Variants in BFSP1 observed in about 807,000 individuals in gnomAD.
The protein encoded by BFSP1 is beaded filament structural protein 1.
Under a neutral mutation model 43.9 loss-of-function variants are expected in BFSP1, and 38 were observed. The ratio of observed to expected loss-of-function variants is 0.87; its 90% CI spans 0.67 to 1.14. The LOEUF is 1.14. Among genes scored for constraint, BFSP1 ranks in the 50% most tolerant of loss-of-function variants. The pLI is 0.00. For missense variants in BFSP1, 850 were observed against 875.1 expected, an observed-to-expected ratio of 0.97 and a Z score of 0.36; for synonymous variants, 352 against 354.8, an observed-to-expected ratio of 0.99 and a Z score of 0.09.
At chr20:17,534,094 C>G (rs1183642500), upstream of BFSP1, among the ~76,000 whole-genome samples, 2 of 152,186 alleles carry the variant, frequency 1.3e-5, no homozygotes, top group Non-Finnish European at 2.9e-5. Context: ...AAGACCATAT[C>G]ACTGATAGGA....
At chr20:17,553,758 C>T (rs1415948376) in intron 1 of BFSP1, among the ~76,000 whole-genome samples, 1 of 142,494 alleles carries the variant, frequency 7.0e-6, no homozygotes, top group Non-Finnish European at 1.5e-5. Context: ...TTGAAAAGAC[C>T]TGTTAAAAAT....
In BFSP1 at chr20:17,518,916, TCA is replaced by T. The variant is rs755603943; in HGVS notation, c.439-4102_439-4101del. Among the ~76,000 whole-genome samples the T allele has an allele frequency of 1.6e-3, 251 of 152,140 alleles. 3 individuals carry two copies. Among genetic ancestry groups the T allele is most frequent in the Non-Finnish European group, 2.5e-3 (169 of 67,988 alleles). On this transcript the variant is annotated intron_variant, in intron 2 of 7. Coordinates refer to ENST00000377873, the MANE Select transcript of BFSP1 (RefSeq NM_001195.5). ...CTGGACCACACGATGTGAAGGAAAA[TCA>T]CAGTGTTCCCGGACGCATCCCACTC...
intron 1 of BFSP1, among the ~76,000 whole-genome samples, chr20:17,553,582 T>A (rs1336683141): frequency 6.6e-6 from 1 of 151,684 alleles, no homozygotes; most frequent in East Asian, 1.9e-4. Flanking sequence ...TAAACAAATA[T>A]ACAGTGTGTC....
chr20:17,567,396 G>A (rs1182858112), intron 1 of BFSP1, among the ~76,000 whole-genome samples: 1 of 152,140 alleles, frequency 6.6e-6, no homozygotes, highest in Non-Finnish European at 1.5e-5. Flanking sequence ...GGTAGTAATG[G>A]AAAATGCACA....
chr20:17,545,824 T>C (rs2034791141), intron 1 of BFSP1, among the ~76,000 whole-genome samples: 1 of 152,232 alleles, frequency 6.6e-6, no homozygotes, highest in Non-Finnish European at 1.5e-5. Context: ...ATAATACATT[T>C]TGTCATGCTG....
At chr20:17,548,109 C>T (rs2034835847) in intron 1 of BFSP1, among the ~76,000 whole-genome samples, 1 of 145,550 alleles carries the variant, frequency 6.9e-6, no homozygotes, top group African/African-American at 2.6e-5. Context: ...CATAATCTAT[C>T]CAGAGAATGT....
intron 1 of BFSP1, among the ~76,000 whole-genome samples, chr20:17,552,855 T>C (rs1346933405): frequency 1.3e-5 from 2 of 152,318 alleles, no homozygotes; most frequent in East Asian, 1.9e-4. Context: ...TTGAGATGTC[T>C]ATGAAACATC....
upstream of BFSP1, among the ~76,000 whole-genome samples, chr20:17,533,287 CCATG>C (rs1193087910): frequency 2.6e-5 from 4 of 152,130 alleles, no homozygotes; most frequent in Non-Finnish European, 5.9e-5. Context: ...TGCACATATA[CCATG>C]CTGATAGCAT....
intron 1 of BFSP1, among the ~76,000 whole-genome samples, chr20:17,528,393 A>C (rs1296653880): frequency 1.3e-5 from 2 of 152,218 alleles, no homozygotes; most frequent in Admixed American, 6.5e-5. Context: ...CATGCTTACC[A>C]GCCAAAGTAC....
intron 1 of BFSP1, among the ~76,000 whole-genome samples, chr20:17,547,126 G>C (rs1314479278): frequency 2.0e-5 from 3 of 151,874 alleles, no homozygotes; most frequent in African/African-American, 7.3e-5. Flanking sequence ...CTTGAGTCCG[G>C]GAGTTTGAGA....
intron 1 of BFSP1, among the ~76,000 whole-genome samples, chr20:17,554,745 G>A (rs1287987082): frequency 1.3e-5 from 2 of 152,134 alleles, no homozygotes; most frequent in African/African-American, 2.4e-5. Context: ...CCCATGCAAT[G>A]ACAAGAATTA....
chr20:17,514,297 G>A (rs906414027), intron 3 of BFSP1, among the ~76,000 whole-genome samples: 2 of 152,214 alleles, frequency 1.3e-5, no homozygotes, highest in African/African-American at 4.8e-5. Context: ...ACTGTTGGAG[G>A]CTGGGGGAGT....
rs764519699 is a variant in BFSP1 at position 17,494,515 on chromosome 20, G to A, written c.1557C>T (p.Pro519=). The change falls in exon 8 of 8, where the codon CCC becomes CCT. Residue 519 remains proline, a synonymous_variant. Transcript: ENST00000377873. ...GACCCACCTGCCCATTCTCTAAAGG[G>A]GGCTTGGGTGACTCAGGAGAGGGCT... ...QVEPSPESPK[P]PLENGQVGLQ... 2 of 1,614,164 alleles carry A rather than the reference G, an allele frequency of 1.2e-6. No individual in the cohort carries two copies. The highest frequency in any genetic ancestry group is 1.7e-6 in the Non-Finnish European group (2 of 1,180,036).
chr20:17,540,345 C>T (rs530757305), intron 1 of BFSP1, among the ~76,000 whole-genome samples: 2 of 152,260 alleles, frequency 1.3e-5, no homozygotes, highest in South Asian at 2.1e-4. Flanking sequence ...ATCCTTTTCT[C>T]CATTTGCCTG....
At chr20:17,508,152 G>T (rs1436646042) in intron 5 of BFSP1, among the ~76,000 whole-genome samples, 1 of 152,202 alleles carries the variant, frequency 6.6e-6, no homozygotes, top group East Asian at 1.9e-4. Flanking sequence ...GGGAAATGTG[G>T]TTAGAGAGCC....
chr20:17,560,030 A>G (rs2035052723), upstream of BFSP1, among the ~76,000 whole-genome samples: 1 of 152,130 alleles, frequency 6.6e-6, no homozygotes, highest in African/African-American at 2.4e-5. Flanking sequence ...TTTTCCTTGA[A>G]TACAACTCAG....
At chr20:17,564,363 T>TAA (rs11087214) in intron 1 of BFSP1, among the ~76,000 whole-genome samples, 1 of 137,138 alleles carries the variant, frequency 7.3e-6, no homozygotes. Flanking sequence ...AGAACCTGGC[T>TAA]AAAAAAAAAA....
chr20:17,561,738 G>A (rs1405765937), upstream of BFSP1, among the ~76,000 whole-genome samples: 2 of 152,160 alleles, frequency 1.3e-5, no homozygotes, highest in Non-Finnish European at 1.5e-5. Flanking sequence ...GCAAGGAACC[G>A]TGGGACTGTT....
chr20:17,531,791 A>ATT (rs1401542609), upstream of BFSP1, among the ~76,000 whole-genome samples: 2 of 141,884 alleles, frequency 1.4e-5, no homozygotes, highest in African/African-American at 5.2e-5. Flanking sequence ...TAACAATGCC[A>ATT]TTTTTTTTTT....
Sources: allele counts gnomAD v4.1 joint callset (sites outside exome capture counted in the v4.1 genomes callset), GRCh38; gene constraint gnomAD v4.1.1; transcripts MANE v1.5; gene names NCBI Gene and HGNC (gene_info 2026-07-23, HGNC 2026-07-21).